FRMD5: variants seen among roughly 807,000 people sequenced by gnomAD.
FRMD5 encodes the protein FERM domain containing 5.
FRMD5 carries 20 observed loss-of-function variants against 69.0 expected under a neutral mutation model. That is an observed-to-expected ratio of 0.29 (90% CI 0.20 to 0.42). The LOEUF is 0.42. Ranked by LOEUF, FRMD5 falls within the 10% of genes least tolerant of loss-of-function variation. FRMD5 has a pLI of 1.00. For synonymous variants in FRMD5, 271 were observed against 260.1 expected (o/e 1.04, Z -0.40); for missense variants, 595 against 708.6 (o/e 0.84, Z 1.82).
At chr15:44,123,082 C>T (rs909661638) in intron 1 of FRMD5, among the ~76,000 whole-genome samples, 5 of 151,960 alleles carry the variant, frequency 3.3e-5, no homozygotes, top group African/African-American at 7.3e-5. Context: ...CAGTGGCTCA[C>T]GTCTGTAATC....
chr15:43,952,000 CTGTGTGTGTGTG>C lies in FRMD5; in HGVS notation c.103-27703_103-27692del, dbSNP rs367759637. Among the ~76,000 whole-genome samples the C allele has an allele frequency of 3.6e-4, 45 of 123,778 alleles. No homozygotes were observed. The East Asian group carries it at 3.7e-3, about 10-fold the overall frequency. The allele number at this position is 123,778 out of a possible 152,430, so 81.2% of individuals were successfully genotyped here. Reference sequence around the variant, plus strand: ...GTGTGTTGTGTGTGTGTGTGTGTGTCTGTGTGTGTGTGTGTGTGTGTGTGTGTGTGTGTGTGT... The same window carrying C: ...GTGTGTTGTGTGTGTGTGTGTGTGTCTGTGTGTGTGTGTGTGTGTGTGTGT... On this transcript the variant is annotated intron_variant, in intron 1 of 13. Transcript: ENST00000417257.
At chr15:43,930,934 A>G (rs1217468909) in intron 1 of FRMD5, among the ~76,000 whole-genome samples, 1 of 152,226 alleles carries the variant, frequency 6.6e-6, no homozygotes, top group Non-Finnish European at 1.5e-5. Flanking sequence ...AACAAGGGCA[A>G]TTAAGACCCT....
intron 1 of FRMD5, among the ~76,000 whole-genome samples, chr15:44,042,123 A>C (rs1245469327): frequency 1.7e-4 from 26 of 152,224 alleles, no homozygotes. Flanking sequence ...CCAAAGAAAT[A>C]CAAACTACCA....
intron 1 of FRMD5, among the ~76,000 whole-genome samples, chr15:44,027,800 A>G (rs1891502878): frequency 6.6e-6 from 1 of 152,032 alleles, no homozygotes; most frequent in Non-Finnish European, 1.5e-5. Flanking sequence ...GCGTGCCAAC[A>G]CAACCAGCTA....
chr15:43,952,693 T>C (rs183567660), intron 1 of FRMD5, among the ~76,000 whole-genome samples: 29 of 152,320 alleles, frequency 1.9e-4, no homozygotes, highest in Admixed American at 1.5e-3. Flanking sequence ...TCCTCTTCAA[T>C]TGGGATGTTC....
At chr15:44,056,921 T>C (rs867829388) in intron 1 of FRMD5, among the ~76,000 whole-genome samples, 4 of 152,124 alleles carry the variant, frequency 2.6e-5, no homozygotes, top group Non-Finnish European at 4.4e-5. Flanking sequence ...ATTAACTATA[T>C]ACCCAGAGCT....
chr15:44,062,312 C>T (rs528220863), intron 1 of FRMD5, among the ~76,000 whole-genome samples: 11 of 152,150 alleles, frequency 7.2e-5, no homozygotes, highest in Admixed American at 6.5e-5. Context: ...ACTGTATCCA[C>T]CATGGGGACC....
At chr15:44,175,004 T>C (rs747841198) in intron 1 of FRMD5, among the ~76,000 whole-genome samples, 3 of 152,188 alleles carry the variant, frequency 2.0e-5, no homozygotes, top group Non-Finnish European at 4.4e-5. Context: ...CAAACCACCA[T>C]GGCACATGTA....
chr15:44,093,710 C>T (rs1427757138), intron 1 of FRMD5, among the ~76,000 whole-genome samples: 1 of 151,830 alleles, frequency 6.6e-6, no homozygotes, highest in African/African-American at 2.4e-5. Flanking sequence ...GTAGCTGGGA[C>T]TACAGGTGCC....
chr15:44,062,952 A>G (rs1308564318), intron 1 of FRMD5, among the ~76,000 whole-genome samples: 1 of 152,212 alleles, frequency 6.6e-6, no homozygotes, highest in Non-Finnish European at 1.5e-5. Flanking sequence ...TGGACTCTCT[A>G]TTCTGTTTCA....
chr15:44,008,266 A>G (rs1346261195), intron 1 of FRMD5, among the ~76,000 whole-genome samples: 3 of 149,038 alleles, frequency 2.0e-5, no homozygotes, highest in African/African-American at 7.4e-5. Flanking sequence ...AGAAGGCTTT[A>G]TTTTATTATT....
chr15:44,017,110 A>C (rs915496538), intron 1 of FRMD5, among the ~76,000 whole-genome samples: 1 of 151,998 alleles, frequency 6.6e-6, no homozygotes, highest in African/African-American at 2.4e-5. Context: ...AGGCTGAGGC[A>C]GGCAGATCAC....
chr15:44,149,519 T>C (rs1043481564), intron 1 of FRMD5, among the ~76,000 whole-genome samples: 3 of 152,104 alleles, frequency 2.0e-5, no homozygotes, highest in Admixed American at 6.5e-5. Flanking sequence ...ATGCTATCTA[T>C]AGAAGACTCA....
chr15:43,910,865 G>C (rs1274596528), intron 4 of FRMD5, among the ~76,000 whole-genome samples: 2 of 152,210 alleles, frequency 1.3e-5, no homozygotes, highest in South Asian at 2.1e-4. Context: ...AGAAGCTGAG[G>C]CTTTAGTGAT....
chr15:43,955,462 A>G (rs971266572), intron 1 of FRMD5, among the ~76,000 whole-genome samples: 3 of 152,262 alleles, frequency 2.0e-5, no homozygotes, highest in Non-Finnish European at 2.9e-5. Context: ...AAGAAAGCCA[A>G]TGAAGGCCCA....
At chr15:43,992,863 T>C (rs998252514) in intron 1 of FRMD5, among the ~76,000 whole-genome samples, 1 of 152,070 alleles carries the variant, frequency 6.6e-6, no homozygotes, top group African/African-American at 2.4e-5. Flanking sequence ...CATGAGACAA[T>C]GGGCACTTTT....
intron 1 of FRMD5, 43 bp downstream of exon 1, chr15:44,194,910 A>G: frequency 6.8e-7 from 1 of 1,467,830 alleles, no homozygotes; most frequent in Non-Finnish European, 9.2e-7. Flanking sequence ...GACTTGGGGG[A>G]CAAGGGGGTC....
chr15:43,906,799 C>T lies in FRMD5; in HGVS notation c.428-848G>A, dbSNP rs549989546. Among the ~76,000 whole-genome samples the T allele has an allele frequency of 1.2e-3, 164 of 141,792 alleles. 6 individuals are homozygous for T. Among genetic ancestry groups the T allele is most frequent in the Admixed American group, 8.6e-3 (123 of 14,286 alleles). The allele number at this position is 141,792 out of a possible 152,430, so 93.0% of individuals were successfully genotyped here. A position where few individuals can be genotyped will look rare whatever the true frequency, so the allele number is the denominator to read the frequency against. On this transcript the variant is annotated intron_variant, in intron 5 of 13. Transcript: ENST00000417257. ...TGTATTTTTAGTAGAGACGGGGTTT[C>T]ACCGTGTTAGCCAGGATGGTCTCGA...
At chr15:43,991,946 A>G (rs1889702822) in intron 1 of FRMD5, among the ~76,000 whole-genome samples, 1 of 152,214 alleles carries the variant, frequency 6.6e-6, no homozygotes. Context: ...AAAAAATCCA[A>G]ACCCTGAATG....
Sources: allele counts gnomAD v4.1 joint callset (sites outside exome capture counted in the v4.1 genomes callset), GRCh38; gene constraint gnomAD v4.1.1; transcripts MANE v1.5; gene names NCBI Gene and HGNC (gene_info 2026-07-23, HGNC 2026-07-21).